The following RNF214 variants were observed in gnomAD, a reference collection of about 807,000 sequenced individuals.
RNF214 encodes ring finger protein 214.
Under a neutral mutation model 75.9 loss-of-function variants are expected in RNF214, and 25 were observed. That is an observed-to-expected ratio of 0.33 (90% CI 0.24 to 0.46). RNF214 has a LOEUF of 0.46. RNF214 is among the 20% of genes least tolerant of loss of function. RNF214 has a pLI of 1.00. For synonymous variants in RNF214, 314 were observed against 308.8 expected, an observed-to-expected ratio of 1.02 and a Z score of -0.18; for missense variants, 725 against 857.5, an observed-to-expected ratio of 0.85 and a Z score of 1.93.
chr11:117,264,179 C>T (rs896335578), intron 6 of RNF214, among the ~76,000 whole-genome samples: 2 of 151,982 alleles, frequency 1.3e-5, no homozygotes, highest in Admixed American at 6.6e-5. Context: ...AAAAATTAGC[C>T]GGTCGTGGTG....
intron 1 of RNF214, 170 bp downstream of exon 1, chr11:117,232,896 G>A (rs1300224010): frequency 1.3e-5 from 2 of 149,318 alleles, no homozygotes; most frequent in African/African-American, 2.5e-5. Flanking sequence ...AAGTGGGACG[G>A]GGGGGTGGCT....
rs1467977499 is a variant in RNF214 at position 117,242,813 on chromosome 11, C to G, written c.679-1632C>G. Among the ~76,000 whole-genome samples, 8 of 152,194 alleles carry G rather than the reference C, an allele frequency of 5.3e-5. No homozygotes were observed. The East Asian group carries it at 1.5e-3, about 29-fold the overall frequency. ...AGGTTGCCGTAAGCCGAGATTGCAC[C>G]ACTGCACTCTAGCCTGGGCGACAGA... On this transcript the variant is annotated intron_variant, in intron 4 of 14. Coordinates refer to ENST00000300650, the MANE Select transcript of RNF214 (RefSeq NM_207343.4).
At chr11:117,282,365 A>G in intron 11 of RNF214, 39 bp from the exon 12 acceptor site, 1 of 1,609,950 alleles carries the variant, frequency 6.2e-7, no homozygotes, top group Non-Finnish European at 8.5e-7. Flanking sequence ...CCGTGGGTAT[A>G]GCATAGGCTT....
At chr11:117,262,533 C>A (rs893818905) in intron 6 of RNF214, among the ~76,000 whole-genome samples, 6 of 152,134 alleles carry the variant, frequency 3.9e-5, no homozygotes, top group Admixed American at 1.3e-4. Flanking sequence ...GCATGTGCCA[C>A]CATGCCTGGC....
chr11:117,269,868 A>G (rs1481736788), intron 6 of RNF214, among the ~76,000 whole-genome samples: 1 of 152,192 alleles, frequency 6.6e-6, no homozygotes, highest in African/African-American at 2.4e-5. Flanking sequence ...ATAAGTTGAA[A>G]CTATCATGAG....
At chr11:117,262,956 A>G (rs552176) in intron 6 of RNF214, among the ~76,000 whole-genome samples, 108,494 of 151,844 alleles carry the variant, frequency 0.71, 40,224 homozygotes, top group East Asian at 0.95. Flanking sequence ...ACAGCTGTGC[A>G]CTACCACACC....
chr11:117,252,263 A>G (rs1373580140), intron 6 of RNF214, among the ~76,000 whole-genome samples: 1 of 152,224 alleles, frequency 6.6e-6, no homozygotes, highest in Non-Finnish European at 1.5e-5. Flanking sequence ...GTCAGAGCCT[A>G]GGTTAGCATA....
At chr11:117,235,685 G>A (rs2032887911) in intron 2 of RNF214, among the ~76,000 whole-genome samples, 1 of 151,372 alleles carries the variant, frequency 6.6e-6, no homozygotes, top group Admixed American at 6.6e-5. Flanking sequence ...TTTTGTATTT[G>A]AGTAGAAACG....
At chr11:117,233,492 C>T (rs564219308) in intron 1 of RNF214, among the ~76,000 whole-genome samples, 1 of 152,202 alleles carries the variant, frequency 6.6e-6, no homozygotes, top group African/African-American at 2.4e-5. Flanking sequence ...TTCATCCCCA[C>T]CTCCCAAGTA....
Position 117,243,251 on chromosome 11 carries a change from AT to A in RNF214, c.679-1192del, listed in dbSNP as rs1217158662. Among the ~76,000 whole-genome samples the A allele has an allele frequency of 2.6e-5, 4 of 152,294 alleles. No homozygotes were observed. In the Middle Eastern group the frequency reaches 0.01, roughly 389 times the overall value. On this transcript the variant is annotated intron_variant, in intron 4 of 14. Transcript: ENST00000300650. The stretch of plus-strand genomic sequence containing the variant: ...AACCTCTGCCTACCAGGTTCAAGTG[AT>A]TCTCCTGCCTCAGCCTCCCAAGTAG...
chr11:117,267,144 G>A (rs1314991597), intron 6 of RNF214, among the ~76,000 whole-genome samples: 1 of 152,074 alleles, frequency 6.6e-6, no homozygotes, highest in Non-Finnish European at 1.5e-5. Flanking sequence ...CTCTATAAGT[G>A]ATTTTATCAG....
At chr11:117,275,881 A>G (rs114917336) in intron 6 of RNF214, among the ~76,000 whole-genome samples, 1,627 of 152,294 alleles carry the variant, frequency 0.011, 21 homozygotes, top group African/African-American at 0.035. Flanking sequence ...TCTCTAACTC[A>G]TTCTACAAAG....
Position 117,239,777 on chromosome 11 carries a change from A to G in RNF214, c.619-24A>G, listed in dbSNP as rs758792991. On this transcript the variant is annotated intron_variant, in intron 3 of 14. Coordinates refer to ENST00000300650, the MANE Select transcript of RNF214 (RefSeq NM_207343.4). ...TTTTAAAGTGTCTCTGAACGATTCT[A>G]AATATAACTTTTTTCCTTTATAGAC... 15 of 1,344,824 alleles carry G rather than the reference A, an allele frequency of 1.1e-5. No homozygotes were observed. In the East Asian group the frequency reaches 2.5e-4, roughly 23 times the overall value. 83.3% of individuals were successfully genotyped at this position (1,344,824 alleles called of 1,614,324 possible).
chr11:117,244,431 C>G lies in RNF214; in HGVS notation c.679-14C>G, dbSNP rs374288673. On this transcript the variant is annotated splice_polypyrimidine_tract_variant and intron_variant, in intron 4 of 14. Transcript: ENST00000300650. ...AAATTAGGAAATAAGCTTTTCTTGT[C>G]TTGTTCATAATAGGATAAAATGATG... 2 of 1,601,928 alleles carry G rather than the reference C, an allele frequency of 1.2e-6. No homozygotes were observed. The highest frequency in any genetic ancestry group is 2.7e-5 in the African/African-American group (2 of 74,236).
intron 5 of RNF214, among the ~76,000 whole-genome samples, chr11:117,244,832 AT>A (rs2033173101): frequency 6.6e-6 from 1 of 151,404 alleles, no homozygotes; most frequent in Admixed American, 6.6e-5. Context: ...TGCCTGGCTC[AT>A]TTTTTGTATT....
chr11:117,277,069 A>T (rs560219460), intron 6 of RNF214, among the ~76,000 whole-genome samples: 1 of 152,244 alleles, frequency 6.6e-6, no homozygotes, highest in South Asian at 2.1e-4. Context: ...TAGGCTGGGT[A>T]TAGTGGCTCA....
In RNF214 at chr11:117,282,819, C is replaced by T. The variant is rs761702440; in HGVS notation, c.1919C>T (p.Ala640Val). The change falls in exon 13 of 15, where the codon GCC (alanine) becomes GTC (valine). Residue 640 changes from alanine (A) to valine (V), a missense_variant. Physicochemically the swap from Ala to Val is moderately conservative, Grantham distance 64. Transcript: ENST00000300650. ...AGTACCCCAATGTTCTTGCCTTCTG[C>T]CCAAGTTTCATATCCTGGAAGGTCT... ...QISTPMFLPS[A>V]QVSYPGRSSH... 1 of 1,614,058 alleles carries T rather than the reference C, an allele frequency of 6.2e-7. No individual in the cohort carries two copies.
rs778417285 is a variant in RNF214, at chr11:117,281,318, A to G, written c.1150A>G (p.Thr384Ala). ...AELHLTYLKS[T>A]PPTLETVRSK... ...TTCCTGTTGGTTTCTTGAAAGGTCA[A>G]CTCCCCCAACACTGGAGACAGTTCG... Residue 384 changes from threonine to alanine, a missense_variant, in exon 9 of 15, where the codon ACT becomes GCT. Coordinates refer to ENST00000300650, the MANE Select transcript of RNF214 (RefSeq NM_207343.4). 2.5e-6 allele frequency: 4 copies of G among 1,611,350 alleles called. No homozygotes were observed. The highest frequency in any genetic ancestry group is 2.2e-5 in the East Asian group (1 of 44,814).
chr11:117,251,481 ACCCCCCCACCTCCCTCCCGGACG>A (rs2033389370), intron 6 of RNF214, among the ~76,000 whole-genome samples: 4 of 58,438 alleles, frequency 6.8e-5, no homozygotes, highest in African/African-American at 2.6e-4. Context: ...CGGGGGGCTG[ACCCCCCCACCTCCCTCCCGGACG>A]GGGCGGCTGG....
Sources: gnomAD v4.1 joint callset for allele counts (sites outside exome capture counted in the v4.1 genomes callset) on GRCh38, gnomAD v4.1.1 for gene constraint, MANE v1.5 for transcripts, NCBI Gene and HGNC (gene_info 2026-07-23, HGNC 2026-07-21) for gene names.